Variants in RALYL observed in about 807,000 individuals in gnomAD.
The protein encoded by RALYL is RALY RNA binding protein like, also known as RNA-binding Raly-like protein.
A neutral mutation model predicts 35.1 loss-of-function variants in RALYL; 29 were observed. That is an observed-to-expected ratio of 0.83 (90% CI 0.61 to 1.13). RALYL has a LOEUF of 1.13. RALYL is among the 50% of genes most tolerant of loss of function. The pLI is 0.00. For synonymous variants in RALYL, 120 were observed against 127.6 expected (o/e 0.94, Z 0.40); for missense variants, 359 against 360.4 (o/e 1.00, Z 0.03).
chr8:84,379,767 A>G (rs527473258), intron 1 of RALYL, among the ~76,000 whole-genome samples: 1 of 151,920 alleles, frequency 6.6e-6, no homozygotes, highest in Admixed American at 6.6e-5. Flanking sequence ...GCCAAAATAT[A>G]AATGCGGGCA....
chr8:84,594,493 C>T (rs1233443136), intron 2 of RALYL, among the ~76,000 whole-genome samples: 1 of 151,766 alleles, frequency 6.6e-6, no homozygotes, highest in Non-Finnish European at 1.5e-5. Flanking sequence ...TTATTATGAA[C>T]AATTTCAGTA....
chr8:84,664,263 A>ATTTTT (rs60423756), intron 2 of RALYL, among the ~76,000 whole-genome samples: 18 of 58,046 alleles, frequency 3.1e-4, no homozygotes, highest in Admixed American at 5.6e-4. Flanking sequence ...ATGCCTCTAG[A>ATTTTT]TTTTTTTTTT....
At chr8:84,807,044 G>A (rs1019595090) in intron 4 of RALYL, among the ~76,000 whole-genome samples, 10 of 152,084 alleles carry the variant, frequency 6.6e-5, no homozygotes, top group African/African-American at 2.2e-4. Flanking sequence ...GCTCTCTGCT[G>A]CCTTTTTCAG....
At chr8:84,641,831 TG>T (rs1344880691) in intron 2 of RALYL, among the ~76,000 whole-genome samples, 1 of 151,218 alleles carries the variant, frequency 6.6e-6, no homozygotes, top group Non-Finnish European at 1.5e-5. Flanking sequence ...AAGATTACTC[TG>T]TTTTTGGCTG....
At chr8:84,836,363 C>G (rs1385275189) in intron 4 of RALYL, among the ~76,000 whole-genome samples, 1 of 152,184 alleles carries the variant, frequency 6.6e-6, no homozygotes, top group Admixed American at 6.5e-5. Flanking sequence ...GCCATTTTCT[C>G]TTCCTCAGGT....
intron 2 of RALYL, among the ~76,000 whole-genome samples, chr8:84,644,946 C>T (rs1051483648): frequency 6.6e-6 from 1 of 151,690 alleles, no homozygotes; most frequent in African/African-American, 2.4e-5. Flanking sequence ...GAGACAGTTT[C>T]CCCATGATGG....
chr8:84,912,157 C>A (rs924562109), intron 8 of RALYL, among the ~76,000 whole-genome samples: 3 of 151,924 alleles, frequency 2.0e-5, no homozygotes, highest in African/African-American at 4.8e-5. Context: ...CCCTAAGTCA[C>A]CTCATCATCA....
chr8:84,466,438 A>T (rs1253084399), intron 1 of RALYL, among the ~76,000 whole-genome samples: 1 of 149,704 alleles, frequency 6.7e-6, no homozygotes. Flanking sequence ...TATATGCTGG[A>T]TTACATTTCT....
intron 2 of RALYL, among the ~76,000 whole-genome samples, chr8:84,702,728 AGG>A (rs1840428649): frequency 6.6e-6 from 1 of 152,068 alleles, no homozygotes; most frequent in Non-Finnish European, 1.5e-5. Flanking sequence ...TATATCTTAT[AGG>A]CTTTTATTTC....
chr8:84,816,950 A>G (rs1827454860), intron 4 of RALYL, among the ~76,000 whole-genome samples: 1 of 152,176 alleles, frequency 6.6e-6, no homozygotes, highest in South Asian at 2.1e-4. Context: ...AAAGAAATAA[A>G]AAGAATACAT....
intron 1 of RALYL, among the ~76,000 whole-genome samples, chr8:84,189,647 T>G (rs1043193848): frequency 1.3e-5 from 2 of 151,908 alleles, no homozygotes; most frequent in African/African-American, 4.8e-5. Context: ...AAATTTGACA[T>G]GTAGGAAGTC....
intron 1 of RALYL, among the ~76,000 whole-genome samples, chr8:84,287,633 A>G (rs1261475831): frequency 1.3e-4 from 18 of 143,276 alleles, no homozygotes; most frequent in Admixed American, 1.2e-3. Context: ...GCCATGGGGG[A>G]AAAAAAAGCC....
intron 8 of RALYL, among the ~76,000 whole-genome samples, chr8:84,916,450 C>A (rs10105658): frequency 0.32 from 49,099 of 151,494 alleles, 8,549 homozygotes; most frequent in East Asian, 0.61. Flanking sequence ...GAGGTAATTG[C>A]GTAATGGGGG....
intron 4 of RALYL, chr8:84,829,200 T>C (rs959176236): frequency 6.6e-6 from 1 of 152,162 alleles, no homozygotes; most frequent in Admixed American, 6.5e-5. Flanking sequence ...TGGGACTTAT[T>C]CACTATCATG....
chr8:84,469,922 C>A (rs1271972365), intron 1 of RALYL, among the ~76,000 whole-genome samples: 2 of 152,214 alleles, frequency 1.3e-5, no homozygotes, highest in Admixed American at 6.5e-5. Context: ...TCTGTCAGCC[C>A]TTTCTTTGAC....
intron 2 of RALYL, among the ~76,000 whole-genome samples, chr8:84,538,115 T>G (rs892844171): frequency 6.6e-6 from 1 of 152,194 alleles, no homozygotes; most frequent in Non-Finnish European, 1.5e-5. Flanking sequence ...TAGAGTGAAT[T>G]GTAGAACTAA....
intron 1 of RALYL, among the ~76,000 whole-genome samples, chr8:84,269,706 G>C (rs757894124): frequency 9.8e-4 from 149 of 152,130 alleles, no homozygotes; most frequent in Non-Finnish European, 1.5e-3. Flanking sequence ...CATCAACTCT[G>C]AGTGTTTGTG....
At chr8:84,586,023 C>T (rs762379547) in intron 2 of RALYL, among the ~76,000 whole-genome samples, 9 of 151,888 alleles carry the variant, frequency 5.9e-5, no homozygotes, top group Middle Eastern at 3.4e-3. Flanking sequence ...GGTGAAACCC[C>T]GTCTCTACTA....
intron 1 of RALYL, among the ~76,000 whole-genome samples, chr8:84,363,580 C>T (rs915216368): frequency 1.3e-5 from 2 of 152,178 alleles, no homozygotes; most frequent in Non-Finnish European, 1.5e-5. Context: ...TGCAAAATCA[C>T]TCCCAAGAAG....
Sources: allele counts gnomAD v4.1 joint callset (sites outside exome capture counted in the v4.1 genomes callset), GRCh38; gene constraint gnomAD v4.1.1; transcripts MANE v1.5; gene names NCBI Gene and HGNC (gene_info 2026-07-23, HGNC 2026-07-21).